Variants in ARHGAP15 observed in about 807,000 individuals in gnomAD.
The protein encoded by ARHGAP15 is rho GTPase-activating protein 15.
In ARHGAP15, 51 loss-of-function variants were observed where a neutral mutation model predicts 63.7. That is an observed-to-expected ratio of 0.80 (90% confidence interval 0.64 to 1.01). The LOEUF (loss-of-function observed/expected upper bound fraction) is 1.01. ARHGAP15 is among the 50% of genes least tolerant of loss of function. The pLI, the probability that ARHGAP15 is intolerant of heterozygous loss-of-function variation, is 0.00. For synonymous variants in ARHGAP15, 191 were observed against 193.8 expected (o/e 0.99, Z 0.12); for missense variants, 560 against 564.6 (o/e 0.99, Z 0.08).
At chr2:143,372,634 T>C (rs1474421918) in intron 6 of ARHGAP15, among the ~76,000 whole-genome samples, 1 of 152,176 alleles carries the variant, frequency 6.6e-6, no homozygotes, top group East Asian at 1.9e-4. Context: ...ACCACTTTCA[T>C]TACATTATTT....
intron 6 of ARHGAP15, among the ~76,000 whole-genome samples, chr2:143,388,211 A>G (rs897861488): frequency 6.6e-6 from 1 of 152,232 alleles, no homozygotes; most frequent in Non-Finnish European, 1.5e-5. Context: ...ATTAAATATT[A>G]CATGAACTTA....
At position 143,624,224 on chromosome 2, in the gene ARHGAP15, G is replaced by A. The variant is rs552611087; in HGVS notation, c.1095G>A (p.Pro365=). The A allele has an allele frequency of 5.6e-6, 9 of 1,613,300 alleles. No individual in the cohort carries two copies. In the East Asian group the frequency reaches 1.1e-4, roughly 20 times the overall value. Residue 365 remains proline, a synonymous_variant, in exon 12 of 14, where the codon CCG becomes CCA. Coordinates refer to ENST00000295095, the MANE Select transcript of ARHGAP15 (RefSeq NM_018460.4). ...TGTTTTTCCGGGAGCTGCCTGAGCC[G>A]CTCTTCCCTTACAGTTTCTTTGAGC... ...LKMFFRELPE[P]LFPYSFFEQF...
intron 12 of ARHGAP15, among the ~76,000 whole-genome samples, chr2:143,643,756 AG>A (rs1680729815): frequency 6.6e-6 from 1 of 152,144 alleles, no homozygotes. Context: ...ATTACAAAAA[AG>A]AAAAGTTGCA....
At chr2:143,439,630 A>G (rs1689789598) in intron 8 of ARHGAP15, among the ~76,000 whole-genome samples, 1 of 151,718 alleles carries the variant, frequency 6.6e-6, no homozygotes, top group African/African-American at 2.4e-5. Context: ...CACCAATCCT[A>G]TGAGGTAGAT....
At chr2:143,448,264 G>A (rs536300912) in intron 8 of ARHGAP15, among the ~76,000 whole-genome samples, 2 of 152,214 alleles carry the variant, frequency 1.3e-5, no homozygotes, top group South Asian at 4.1e-4. Flanking sequence ...TTGGCAAAGG[G>A]TCTCTCACGG....
At chr2:143,375,402 T>A (rs1686761504) in intron 6 of ARHGAP15, among the ~76,000 whole-genome samples, 1 of 152,174 alleles carries the variant, frequency 6.6e-6, no homozygotes, top group South Asian at 2.1e-4. Flanking sequence ...AAGTAAGTAA[T>A]CTGATTGGTG....
intron 13 of ARHGAP15, among the ~76,000 whole-genome samples, chr2:143,755,094 CTCTT>C (rs1559162196): frequency 1.3e-5 from 2 of 152,166 alleles, no homozygotes; most frequent in Admixed American, 6.5e-5. Context: ...AGAATGCTCA[CTCTT>C]TCATCATTAA....
intron 12 of ARHGAP15, among the ~76,000 whole-genome samples, chr2:143,638,868 A>G (rs930644098): frequency 6.6e-6 from 1 of 151,988 alleles, no homozygotes; most frequent in East Asian, 1.9e-4. Context: ...TAGTATACTT[A>G]CCATACTTTT....
chr2:143,228,827 A>C (rs918866599), intron 5 of ARHGAP15, among the ~76,000 whole-genome samples, 159 bp downstream of exon 5: 2 of 152,194 alleles, frequency 1.3e-5, no homozygotes, highest in African/African-American at 4.8e-5. Flanking sequence ...GATGAAGGGA[A>C]AATAGAACTT....
chr2:143,626,655 A>G (rs964792040), intron 12 of ARHGAP15, among the ~76,000 whole-genome samples: 1 of 151,726 alleles, frequency 6.6e-6, no homozygotes, highest in Non-Finnish European at 1.5e-5. Flanking sequence ...CCTTTTTTCA[A>G]TCCTCCCCGC....
chr2:143,557,660 T>G (rs1262402361), intron 11 of ARHGAP15, among the ~76,000 whole-genome samples: 1 of 152,090 alleles, frequency 6.6e-6, no homozygotes, highest in Admixed American at 6.6e-5. Flanking sequence ...GGCTTATCAA[T>G]TATAACAATC....
intron 12 of ARHGAP15, among the ~76,000 whole-genome samples, chr2:143,635,194 CTTTTTTTTTTTTT>C (rs10558886): frequency 3.3e-4 from 9 of 26,882 alleles, no homozygotes; most frequent in Admixed American, 6.7e-4. Flanking sequence ...CTCTCAGGAG[CTTTTTTTTTTTTT>C]TTTTTTTTTT....
intron 6 of ARHGAP15, among the ~76,000 whole-genome samples, chr2:143,415,992 C>G (rs1300201247): frequency 6.6e-6 from 1 of 151,978 alleles, no homozygotes. Context: ...TGGGAAGGGG[C>G]TAAGGCATAA....
chr2:143,561,650 G>T (rs1262218469), intron 11 of ARHGAP15, among the ~76,000 whole-genome samples: 1 of 151,554 alleles, frequency 6.6e-6, no homozygotes, highest in Non-Finnish European at 1.5e-5. Flanking sequence ...TGAGTAGCTG[G>T]GATTACAGGT....
At chr2:143,379,559 A>G (rs1013569358) in intron 6 of ARHGAP15, among the ~76,000 whole-genome samples, 18 of 148,400 alleles carry the variant, frequency 1.2e-4, no homozygotes, top group Admixed American at 2.0e-4. Flanking sequence ...CAGCTTCATC[A>G]TGGTATAGTT....
intron 6 of ARHGAP15, among the ~76,000 whole-genome samples, chr2:143,360,045 AT>A (rs1273231585): frequency 6.6e-6 from 1 of 152,068 alleles, no homozygotes; most frequent in East Asian, 1.9e-4. Flanking sequence ...AAGTGAGAAA[AT>A]TTCAATGGTT....
intron 12 of ARHGAP15, among the ~76,000 whole-genome samples, chr2:143,674,862 C>T (rs898355546): frequency 3.9e-5 from 6 of 152,060 alleles, no homozygotes; most frequent in Non-Finnish European, 7.4e-5. Flanking sequence ...TGTTAATGGT[C>T]GCTGACTGAT....
chr2:143,501,786 A>G (rs1403240384), intron 9 of ARHGAP15, among the ~76,000 whole-genome samples: 1 of 152,250 alleles, frequency 6.6e-6, no homozygotes, highest in Non-Finnish European at 1.5e-5. Context: ...AGTGATATGG[A>G]CAAAGTATTC....
intron 13 of ARHGAP15, among the ~76,000 whole-genome samples, chr2:143,715,319 C>T (rs1276731147): frequency 6.6e-6 from 1 of 152,168 alleles, no homozygotes; most frequent in Admixed American, 6.5e-5. Flanking sequence ...GTTCCTCCCA[C>T]AAGACATGGG....
Sources: allele counts gnomAD v4.1 joint callset (sites outside exome capture counted in the v4.1 genomes callset), GRCh38; gene constraint gnomAD v4.1.1; transcripts MANE v1.5; gene names NCBI Gene and HGNC (gene_info 2026-07-23, HGNC 2026-07-21).